The following ZNF362 variants were observed in gnomAD, a reference collection of about 807,000 sequenced individuals.
The protein encoded by ZNF362 is rotund homolog.
ZNF362 carries 11 observed loss-of-function variants against 42.9 expected under a neutral mutation model. The ratio of observed to expected loss-of-function variants is 0.26; its 90% CI spans 0.16 to 0.42. ZNF362 has a LOEUF of 0.42. Among genes scored for constraint, ZNF362 ranks in the 20% least tolerant of loss-of-function variants. The pLI is 1.00. For missense variants in ZNF362, 362 were observed against 576.2 expected (o/e 0.63, Z 3.81); for synonymous variants, 255 against 257.3 (o/e 0.99, Z 0.09).
At chr1:33,147,620 C>T in the ZNF362 span, 5 of 1,613,974 alleles carry the variant, frequency 3.1e-6, no homozygotes, top group Non-Finnish European at 4.2e-6. The surrounding 1 kb of genome is among the most constrained non-coding windows in gnomAD (Gnocchi z 8.1). Flanking sequence ...TTTGGCGAGT[C>T]CTGCAGTGGC....
At chr1:33,154,127 A>G in the ZNF362 span, among the ~76,000 whole-genome samples, 8 of 151,830 alleles carry the variant, frequency 5.3e-5, no homozygotes, top group African/African-American at 1.9e-4. Context: ...ATGAGGGAGA[A>G]TACAAAACAT....
the ZNF362 span, among the ~76,000 whole-genome samples, chr1:33,152,190 A>G: frequency 6.6e-6 from 1 of 152,228 alleles, no homozygotes; most frequent in East Asian, 1.9e-4. Flanking sequence ...TGCCACTTGG[A>G]GAGGAAGCAG....
chr1:33,197,918 A>C, the ZNF362 span, among the ~76,000 whole-genome samples: 1 of 152,156 alleles, frequency 6.6e-6, no homozygotes, highest in African/African-American at 2.4e-5. Flanking sequence ...ACAGTAGAAA[A>C]ATCTCATAAC....
chr1:33,247,070 T>C, the ZNF362 span, among the ~76,000 whole-genome samples: 115 of 152,182 alleles, frequency 7.6e-4, 1 homozygote, highest in Middle Eastern at 3.2e-3. Context: ...AGCCCTCTGC[T>C]TTTTTCACAC....
At chr1:33,292,279 G>C (rs113837762) in intron 6 of ZNF362, among the ~76,000 whole-genome samples, 9,600 of 152,232 alleles carry the variant, frequency 0.063, 442 homozygotes, top group African/African-American at 0.13. Context: ...TAGCAACAAG[G>C]GCTGTTGAAT....
the ZNF362 span, among the ~76,000 whole-genome samples, chr1:33,133,366 T>G: frequency 1.3e-5 from 2 of 152,240 alleles, no homozygotes; most frequent in African/African-American, 2.4e-5. Flanking sequence ...AATACAGATC[T>G]GATAGGGCCT....
chr1:33,298,804 C>T (rs1646143346), intron 8 of ZNF362, 126 bp from the exon 9 acceptor site: 3 of 758,726 alleles, frequency 4.0e-6, no homozygotes, highest in Admixed American at 1.9e-5. Flanking sequence ...CCCTGCAAAA[C>T]TGTGGCTGTC....
chr1:33,187,526 T>C, the ZNF362 span, among the ~76,000 whole-genome samples: 1 of 152,200 alleles, frequency 6.6e-6, no homozygotes. Context: ...ACCCCACTGC[T>C]GTAGTTGGTC....
Position 33,280,389 on chromosome 1 carries a change from G to T in ZNF362, c.615G>T (p.Pro205=). The T allele has an allele frequency of 6.2e-7, 1 of 1,613,372 alleles. No homozygotes were observed. Among genetic ancestry groups the T allele is most frequent in the Non-Finnish European group, 8.5e-7 (1 of 1,179,720 alleles). Residue 205 remains proline (P), a synonymous_variant, in exon 5 of 9, where the codon CCG becomes CCT. Transcript: ENST00000539719. This position sits in a 1 kb window ranked among gnomAD's most constrained non-coding sequence, Gnocchi z 5.6. The part of the protein sequence containing the change: ...KKIKAENPGG[P]PVLVVPYPIL... ...TCAAGGCGGAGAACCCGGGGGGTCC[G>T]CCTGTCCTTGTAGTCCCCTATCCCA... is the stretch of plus-strand genomic sequence containing the variant.
chr1:33,188,433 A>T, the ZNF362 span, among the ~76,000 whole-genome samples: 3 of 152,148 alleles, frequency 2.0e-5, no homozygotes, highest in Non-Finnish European at 2.9e-5. Context: ...GAATGCTTTG[A>T]TGATAAACTG....
At chr1:33,130,346 A>G in the ZNF362 span, among the ~76,000 whole-genome samples, 2 of 152,116 alleles carry the variant, frequency 1.3e-5, no homozygotes, top group African/African-American at 4.8e-5. Context: ...ACGGGTTGTC[A>G]TTTCTGAGAT....
chr1:33,172,327 G>T, the ZNF362 span, among the ~76,000 whole-genome samples: 1 of 152,156 alleles, frequency 6.6e-6, no homozygotes, highest in Non-Finnish European at 1.5e-5. Flanking sequence ...CTCCAGGATG[G>T]GCCAGGGCAT....
At chr1:33,129,543 C>A in the ZNF362 span, among the ~76,000 whole-genome samples, 1 of 152,180 alleles carries the variant, frequency 6.6e-6, no homozygotes, top group Non-Finnish European at 1.5e-5. The surrounding 1 kb of genome is among the most constrained non-coding windows in gnomAD (Gnocchi z 4.1). Context: ...ACGCATTGTG[C>A]ATGCACTCAG....
chr1:33,239,190 G>A, the ZNF362 span, among the ~76,000 whole-genome samples: 2 of 152,172 alleles, frequency 1.3e-5, no homozygotes, highest in African/African-American at 4.8e-5. Flanking sequence ...GACAGACAGT[G>A]GCAGCACACT....
At chr1:33,295,646 A>C (rs1158459060) in intron 8 of ZNF362, among the ~76,000 whole-genome samples, 1 of 152,292 alleles carries the variant, frequency 6.6e-6, no homozygotes, top group African/African-American at 2.4e-5. Context: ...AGGAAGCTGC[A>C]ACCCCCATTG....
the ZNF362 span, among the ~76,000 whole-genome samples, chr1:33,233,113 T>G: frequency 6.6e-6 from 1 of 152,238 alleles, no homozygotes; most frequent in Non-Finnish European, 1.5e-5. Context: ...TTCAGTACTC[T>G]TCAGGCTCTC....
intron 1 of ZNF362, among the ~76,000 whole-genome samples, chr1:33,258,697 A>G (rs1454904196): frequency 6.6e-6 from 1 of 152,086 alleles, no homozygotes; most frequent in Admixed American, 6.5e-5. Flanking sequence ...ACTGGACTAG[A>G]ATGGGACAGC....
the ZNF362 span, among the ~76,000 whole-genome samples, chr1:33,188,244 A>T: frequency 6.6e-6 from 1 of 152,054 alleles, no homozygotes; most frequent in Non-Finnish European, 1.5e-5. Flanking sequence ...ACAAACAAAC[A>T]AACAAACAAA....
chr1:33,219,056 G>C, the ZNF362 span, among the ~76,000 whole-genome samples: 2 of 151,314 alleles, frequency 1.3e-5, no homozygotes, highest in African/African-American at 2.4e-5. Context: ...GACCCTTAAG[G>C]GCCCCAAACA....
Sources: allele counts gnomAD v4.1 joint callset (sites outside exome capture counted in the v4.1 genomes callset), GRCh38; gene constraint gnomAD v4.1.1; non-coding constraint Gnocchi (gnomAD v3.1); transcripts MANE v1.5; gene names NCBI Gene and HGNC (gene_info 2026-07-23, HGNC 2026-07-21).